RYR3: variants seen among roughly 807,000 people sequenced by gnomAD.
RYR3 encodes the protein ryanodine receptor 3.
A neutral mutation model predicts 584.3 loss-of-function variants in RYR3; 207 were observed. That is an observed-to-expected ratio of 0.35 (90% CI 0.32 to 0.40). The LOEUF (loss-of-function observed/expected upper bound fraction) is 0.40, where lower values mean the gene tolerates loss of function less well. RYR3 is among the 10% of genes least tolerant of loss of function. The pLI, the probability that RYR3 is intolerant of heterozygous loss-of-function variation, is 1.00. For missense variants in RYR3, 5,616 were observed against 6,089.2 expected (o/e 0.92, Z 2.59); for synonymous variants, 2,416 against 2,248.5 (o/e 1.07, Z -2.11).
chr15:33,629,883 C>T, intron 21 of RYR3, 57 bp from the exon 22 acceptor site: 3 of 904,298 alleles, frequency 3.3e-6, no homozygotes, highest in Non-Finnish European at 5.2e-6. Flanking sequence ...TCTGTTTTCC[C>T]ATGCAGTGCC....
In RYR3 at chr15:33,805,728, C is replaced by T. The variant is rs34793884; in HGVS notation, c.10012-1827C>T. On this transcript the variant is annotated intron_variant, in intron 69 of 103. Transcript: ENST00000634891. ...TCCTGACGTCATGATCCGCCCGCCT[C>T]GGCCTCCCAAAGTGCTGGGATTACA... Among the ~76,000 whole-genome samples, 48 of 26,570 alleles carry T rather than the reference C, an allele frequency of 1.8e-3. No homozygotes were observed. In the East Asian group the frequency reaches 0.033, roughly 18 times the overall value. The allele number at this position is 26,570 out of a possible 152,430, so 17.4% of individuals were successfully genotyped here.
At chr15:33,536,560 G>C (rs1316894249) in intron 5 of RYR3, among the ~76,000 whole-genome samples, 1 of 152,168 alleles carries the variant, frequency 6.6e-6, no homozygotes, top group African/African-American at 2.4e-5. Flanking sequence ...CAGAGTGTGG[G>C]AGAGGGCAGG....
intron 67 of RYR3, among the ~76,000 whole-genome samples, chr15:33,789,746 C>T (rs142045642): frequency 0.011 from 1,355 of 123,678 alleles, 21 homozygotes; most frequent in Middle Eastern, 0.039. Flanking sequence ...GCAATCTCGG[C>T]TCACTGCAAG....
intron 1 of RYR3, among the ~76,000 whole-genome samples, chr15:33,436,092 A>G (rs2045705055): frequency 6.6e-6 from 1 of 152,190 alleles, no homozygotes; most frequent in Admixed American, 6.5e-5. Flanking sequence ...GTCCCCATCA[A>G]CCCAGAAGTC....
intron 27 of RYR3, among the ~76,000 whole-genome samples, chr15:33,638,501 T>C (rs971975527): frequency 1.3e-5 from 2 of 152,236 alleles, no homozygotes; most frequent in African/African-American, 4.8e-5. Flanking sequence ...GAATCTCATA[T>C]GTTGTGCAGA....
intron 67 of RYR3, among the ~76,000 whole-genome samples, chr15:33,798,354 G>T (rs2075741877): frequency 6.6e-6 from 1 of 152,146 alleles, no homozygotes; most frequent in Non-Finnish European, 1.5e-5. Context: ...GCCTCCCAAA[G>T]TGCTGGGATT....
At chr15:33,806,136 C>T (rs916196051) in intron 69 of RYR3, among the ~76,000 whole-genome samples, 2 of 152,128 alleles carry the variant, frequency 1.3e-5, no homozygotes, top group Admixed American at 6.5e-5. Context: ...CTTCCCATGG[C>T]CCGGGCTTGC....
intron 1 of RYR3, among the ~76,000 whole-genome samples, chr15:33,361,374 G>T (rs148406286): frequency 1.4e-3 from 215 of 152,272 alleles, no homozygotes; most frequent in African/African-American, 4.9e-3. Context: ...TTTATAAAAG[G>T]TTGCAGAAAT....
At chr15:33,578,565 C>T (rs1220479192) in intron 12 of RYR3, among the ~76,000 whole-genome samples, 1 of 151,852 alleles carries the variant, frequency 6.6e-6, no homozygotes. Context: ...AATGAGAACA[C>T]ATGGACACAG....
At chr15:33,449,762 G>C (rs958720952) in intron 1 of RYR3, among the ~76,000 whole-genome samples, 1 of 152,116 alleles carries the variant, frequency 6.6e-6, no homozygotes, top group Non-Finnish European at 1.5e-5. Context: ...AAGGTGTATA[G>C]GGTAGGTCAG....
intron 3 of RYR3, among the ~76,000 whole-genome samples, chr15:33,524,257 T>A (rs531127309): frequency 7.2e-5 from 11 of 152,246 alleles, no homozygotes; most frequent in Non-Finnish European, 1.3e-4. Flanking sequence ...TTCCTTATTC[T>A]TGCCTATATG....
At position 33,813,132 on chromosome 15, in the gene RYR3, C is replaced by T. The variant is rs2076634725; in HGVS notation, c.10389+138C>T. The T allele has an allele frequency of 1.9e-5, 20 of 1,080,610 alleles. No homozygotes were observed. In the South Asian group the frequency reaches 3.2e-4, roughly 17 times the overall value. 66.9% of individuals were successfully genotyped at this position (1,080,610 alleles called of 1,614,324 possible). On this transcript the variant is annotated intron_variant, in intron 73 of 103. Coordinates refer to ENST00000634891, the MANE Select transcript of RYR3 (RefSeq NM_001036.6). ...AGGACCAAGGATCATCCCAGATCAC[C>T]CCCACGTGCCATCTCGATGCCCTGT...
rs2056388979 is a variant in RYR3, at chr15:33,548,126, A to C, written c.741-4A>C. On this transcript the variant is annotated splice_region_variant and splice_polypyrimidine_tract_variant and intron_variant, in intron 8 of 103. Coordinates refer to ENST00000634891, the MANE Select transcript of RYR3 (RefSeq NM_001036.6). ...TAGGAGCTGATCTCCAACTCTGCTCACAGGAGGATATTCTACGAAGCTGGG... is the reference window on the plus strand; with the variant it reads ...TAGGAGCTGATCTCCAACTCTGCTCCCAGGAGGATATTCTACGAAGCTGGG... 6.2e-7 allele frequency: 1 copy of C among 1,610,740 alleles called. No homozygotes were observed. Among genetic ancestry groups the C allele is most frequent in the African/African-American group, 1.3e-5 (1 of 75,012 alleles).
At chr15:33,861,866 C>G (rs373950651) in intron 102 of RYR3, among the ~76,000 whole-genome samples, 1 of 152,136 alleles carries the variant, frequency 6.6e-6, no homozygotes, top group Non-Finnish European at 1.5e-5. Context: ...CTCAGGTGAT[C>G]TGCCTGCCTC....
At chr15:33,464,497 T>TAG (rs1567295885) in intron 1 of RYR3, among the ~76,000 whole-genome samples, 1 of 98,398 alleles carries the variant, frequency 1.0e-5, no homozygotes, top group Non-Finnish European at 2.1e-5. Flanking sequence ...TATACACATA[T>TAG]ATATATACAT....
At chr15:33,461,577 A>T (rs1288457438) in intron 1 of RYR3, among the ~76,000 whole-genome samples, 1 of 152,190 alleles carries the variant, frequency 6.6e-6, no homozygotes, top group Admixed American at 6.5e-5. Flanking sequence ...ACAGATGGAG[A>T]TGGCCAGGAT....
chr15:33,435,012 G>C (rs191264960), intron 1 of RYR3, among the ~76,000 whole-genome samples: 9 of 152,106 alleles, frequency 5.9e-5, no homozygotes, highest in Admixed American at 4.6e-4. Flanking sequence ...AGTAGAGATG[G>C]GGTTTCACTG....
intron 32 of RYR3, among the ~76,000 whole-genome samples, chr15:33,655,648 T>G (rs747864673): frequency 5.3e-5 from 8 of 152,130 alleles, no homozygotes; most frequent in Non-Finnish European, 5.9e-5. Context: ...CTGATGACCC[T>G]GCTCAGCGAT....
At chr15:33,579,871 C>G in intron 12 of RYR3, 105 bp from the exon 13 acceptor site, 5 of 759,344 alleles carry the variant, frequency 6.6e-6, no homozygotes, top group Non-Finnish European at 9.9e-6. Context: ...AAGGAAGCAA[C>G]TCATGGTGCA....
Sources: allele counts gnomAD v4.1 joint callset (sites outside exome capture counted in the v4.1 genomes callset), GRCh38; gene constraint gnomAD v4.1.1; transcripts MANE v1.5; gene names NCBI Gene and HGNC (gene_info 2026-07-23, HGNC 2026-07-21).